CYTH1: variants seen among roughly 807,000 people sequenced by gnomAD.
CYTH1 encodes cytohesin-1.
A neutral mutation model predicts 61.8 loss-of-function variants in CYTH1; 18 were observed. That is an observed-to-expected ratio of 0.29 (90% CI 0.20 to 0.43). The LOEUF (loss-of-function observed/expected upper bound fraction) is 0.43, where lower values mean the gene tolerates loss of function less well. Ranked by LOEUF, CYTH1 falls within the 20% of genes least tolerant of loss-of-function variation. The probability of loss-of-function intolerance (pLI) is 1.00; values close to 1 mark genes in which losing one functional copy is unlikely to be tolerated. For missense variants in CYTH1, 336 were observed against 510.5 expected (o/e 0.66, Z 3.29); for synonymous variants, 174 against 184.3 (o/e 0.94, Z 0.45).
intron 1 of CYTH1, among the ~76,000 whole-genome samples, chr17:78,714,599 T>C (rs544132135): frequency 6.6e-6 from 1 of 152,188 alleles, no homozygotes; most frequent in Admixed American, 6.5e-5. Context: ...AGCAGACAAG[T>C]GTGGAGCTGG....
chr17:78,701,398 A>T (rs1391716977), intron 6 of CYTH1, among the ~76,000 whole-genome samples: 1 of 152,338 alleles, frequency 6.6e-6, no homozygotes, highest in East Asian at 1.9e-4. Flanking sequence ...AAAATTTCAA[A>T]ATTTAAGTAT....
At chr17:78,745,952 C>T (rs2093358042) in intron 1 of CYTH1, among the ~76,000 whole-genome samples, 1 of 152,070 alleles carries the variant, frequency 6.6e-6, no homozygotes, top group African/African-American at 2.4e-5. Context: ...AGAGGCAATT[C>T]ATGTTCTACC....
chr17:78,732,191 C>T (rs577967153), intron 1 of CYTH1, among the ~76,000 whole-genome samples: 13 of 152,188 alleles, frequency 8.5e-5, no homozygotes, highest in Non-Finnish European at 1.5e-4. Flanking sequence ...CTACCAAGAC[C>T]TAAGATACCT....
intron 1 of CYTH1, among the ~76,000 whole-genome samples, chr17:78,758,541 C>A (rs1425396544): frequency 6.6e-6 from 1 of 152,044 alleles, no homozygotes; most frequent in Non-Finnish European, 1.5e-5. Flanking sequence ...CCCGTCTCTA[C>A]TAAAAATAAA....
intron 1 of CYTH1, among the ~76,000 whole-genome samples, chr17:78,760,704 AT>A (rs371513880): frequency 1.7e-3 from 261 of 151,144 alleles, no homozygotes; most frequent in Non-Finnish European, 3.0e-3. Context: ...AGACTTTTAA[AT>A]AGAAGTGAAA....
rs746836781 is a variant in CYTH1 at position 78,680,990 on chromosome 17, A to G, written c.944T>C (p.Val315Ala). Residue 315 changes from valine to alanine, a missense_variant, in exon 12 of 14, where the codon GTG becomes GCG. By Grantham distance (64) the Val-to-Ala change is moderately conservative (BLOSUM62 0). Around this residue, in one of 4 missense-constraint regions of CYTH1, gnomAD observed 83 missense variants for 115.6 expected, o/e 0.72. Coordinates refer to ENST00000446868, the MANE Select transcript of CYTH1 (RefSeq NM_004762.6). ...IPLENLSIREVEDSKKPNCFE... is the reference protein window; with the variant it reads ...IPLENLSIREAEDSKKPNCFE... ...ACTCACTGGTTTTTTGGAGTCCTCC[A>G]CTTCCCGGATACTCAGATTCTCTAA... 1.9e-6 allele frequency: 3 copies of G among 1,614,132 alleles called. No individual in the cohort carries two copies. The highest frequency in any genetic ancestry group is 2.5e-6 in the Non-Finnish European group (3 of 1,180,010).
chr17:78,728,623 T>C (rs2144581760), intron 1 of CYTH1, among the ~76,000 whole-genome samples: 1 of 151,912 alleles, frequency 6.6e-6, no homozygotes, highest in East Asian at 1.9e-4. Flanking sequence ...AAACTTCACA[T>C]GGGAAAAAAT....
intron 1 of CYTH1, among the ~76,000 whole-genome samples, chr17:78,745,723 C>T (rs548157711): frequency 6.6e-6 from 1 of 152,216 alleles, no homozygotes; most frequent in Non-Finnish European, 1.5e-5. Context: ...GAAACCCCGT[C>T]TCTACTGAAA....
intron 1 of CYTH1, among the ~76,000 whole-genome samples, chr17:78,751,057 C>T (rs944533947): frequency 6.6e-6 from 1 of 151,954 alleles, no homozygotes; most frequent in Non-Finnish European, 1.5e-5. Context: ...CATCCTGGCT[C>T]ACTGCAACCT....
At chr17:78,780,797 A>G (rs1411093931) in intron 1 of CYTH1, among the ~76,000 whole-genome samples, 1 of 152,170 alleles carries the variant, frequency 6.6e-6, no homozygotes, top group Non-Finnish European at 1.5e-5. Context: ...ACCTGAGGTC[A>G]GAAGTTCAAG....
chr17:78,769,743 G>A (rs576131622), intron 1 of CYTH1, among the ~76,000 whole-genome samples: 2 of 152,234 alleles, frequency 1.3e-5, no homozygotes, highest in Non-Finnish European at 2.9e-5. Context: ...CGAGCCGGAT[G>A]CAGTGGCTCA....
At chr17:78,763,287 G>C (rs971478520) in intron 1 of CYTH1, among the ~76,000 whole-genome samples, 5 of 150,064 alleles carry the variant, frequency 3.3e-5, no homozygotes, top group African/African-American at 1.2e-4. Flanking sequence ...AGGTTGCAGT[G>C]AGCCGAGGCC....
At chr17:78,684,720 G>A (rs1007802039) in intron 11 of CYTH1, among the ~76,000 whole-genome samples, 5 of 152,222 alleles carry the variant, frequency 3.3e-5, no homozygotes, top group African/African-American at 1.2e-4. Context: ...CAGGTTTTAT[G>A]AAAATGGGAT....
At chr17:78,779,656 C>G (rs1197068222) in intron 1 of CYTH1, among the ~76,000 whole-genome samples, 1 of 151,926 alleles carries the variant, frequency 6.6e-6, no homozygotes. Context: ...GGTAGGAGGT[C>G]GAGAGAAATG....
Position 78,698,330 on chromosome 17 carries a change from G to A in CYTH1, c.750C>T (p.Asp250=), listed in dbSNP as rs752759688. ...KNEPFKIPED[D]GNDLTHTFFN... ...AGAAAGTGTGAGTGAGGTCATTCCCGTCGTCTTCTGGGATTTTAAAGGGTT... is the reference window on the plus strand; with the variant it reads ...AGAAAGTGTGAGTGAGGTCATTCCCATCGTCTTCTGGGATTTTAAAGGGTT... The change falls in exon 9 of 14, where the codon GAC becomes GAT. Residue 250 remains aspartate (D), a synonymous_variant. Coordinates refer to ENST00000446868, the MANE Select transcript of CYTH1 (RefSeq NM_004762.6). 14 of 1,613,026 alleles carry A rather than the reference G, an allele frequency of 8.7e-6. No homozygotes were observed. The highest frequency in any genetic ancestry group is 1.3e-5 in the African/African-American group (1 of 74,900).
intron 12 of CYTH1, 148 bp from the exon 13 acceptor site, chr17:78,680,492 A>G (rs1387799289): frequency 2.1e-6 from 2 of 974,900 alleles, no homozygotes; most frequent in East Asian, 2.7e-5. Context: ...GAAGCCTAGA[A>G]GCGGAATTCT....
rs117405374 is a variant in CYTH1 at position 78,774,418 on chromosome 17, C to T, written c.22+7784G>A. On this transcript the variant is annotated intron_variant, in intron 1 of 13. Coordinates refer to ENST00000446868, the MANE Select transcript of CYTH1 (RefSeq NM_004762.6). Reference sequence around the variant, plus strand: ...CCATATCATAGAAAAACAAAGAAAACGGGTTCTGCATGGGGTCAAACATGC... The same window carrying T: ...CCATATCATAGAAAAACAAAGAAAATGGGTTCTGCATGGGGTCAAACATGC... Among the ~76,000 whole-genome samples, 702 of 152,204 alleles carry T rather than the reference C, an allele frequency of 4.6e-3. 4 individuals are homozygous for T. The highest frequency in any genetic ancestry group is 7.4e-3 in the Non-Finnish European group (503 of 68,006).
intron 13 of CYTH1, chr17:78,677,017 C>G (rs555877063): frequency 1.1e-5 from 5 of 456,082 alleles, no homozygotes; most frequent in African/African-American, 8.0e-5. Context: ...GTGGCACCAG[C>G]AGCTGCTATG....
rs938021451 is a variant in CYTH1, at chr17:78,700,875, G to A, written c.438-432C>T. ...AGTGCAAAGGGAACCCTGCTGGGCTGCAGCCTTCTGTTACTGTAACTCTGA... is the reference window on the plus strand; with the variant it reads ...AGTGCAAAGGGAACCCTGCTGGGCTACAGCCTTCTGTTACTGTAACTCTGA... On this transcript the variant is annotated intron_variant, in intron 6 of 13. Coordinates refer to ENST00000446868, the MANE Select transcript of CYTH1 (RefSeq NM_004762.6). The surrounding 1 kb of genome is among the most constrained non-coding windows in gnomAD (Gnocchi z 5.1). Among the ~76,000 whole-genome samples, 28 of 152,242 alleles carry A rather than the reference G, an allele frequency of 1.8e-4. No homozygotes were observed. Among genetic ancestry groups the A allele is most frequent in the Middle Eastern group, 6.8e-3 (2 of 294 alleles).
Sources: gnomAD v4.1 joint callset for allele counts (sites outside exome capture counted in the v4.1 genomes callset) on GRCh38, gnomAD v4.1.1 for gene constraint, gnomAD v4.1.1 regional missense constraint, Gnocchi (gnomAD v3.1) non-coding constraint, MANE v1.5 for transcripts, NCBI Gene and HGNC (gene_info 2026-07-23, HGNC 2026-07-21) for gene names.